Variants in RNF149 observed in about 807,000 individuals in gnomAD.
RNF149 encodes the protein E3 ubiquitin-protein ligase RNF149.
Under a neutral mutation model 39.0 loss-of-function variants are expected in RNF149, and 21 were observed. The ratio of observed to expected loss-of-function variants is 0.54; its 90% CI spans 0.38 to 0.77. RNF149 has a LOEUF of 0.77. Among genes scored for constraint, RNF149 ranks in the 30% least tolerant of loss-of-function variants. RNF149 has a pLI of 0.00. For synonymous variants in RNF149, 209 were observed against 213.6 expected (o/e 0.98, Z 0.19); for missense variants, 493 against 534.9 (o/e 0.92, Z 0.77).
At chr2:101,273,931 A>G (rs1035489553), downstream of RNF149, among the ~76,000 whole-genome samples, 1 of 152,144 alleles carries the variant, frequency 6.6e-6, no homozygotes, top group Non-Finnish European at 1.5e-5. Context: ...CAACCTCTCC[A>G]ATTTATAATT....
chr2:101,298,725 C>T (rs1294909027), intron 1 of RNF149, among the ~76,000 whole-genome samples: 1 of 152,180 alleles, frequency 6.6e-6, no homozygotes, highest in East Asian at 1.9e-4. Context: ...ACACATACTA[C>T]CCTCTGGAAG....
At chr2:101,304,702 A>AT (rs1170750783) in intron 1 of RNF149, among the ~76,000 whole-genome samples, 2 of 151,824 alleles carry the variant, frequency 1.3e-5, no homozygotes, top group African/African-American at 2.4e-5. Flanking sequence ...TTCCAGTCAC[A>AT]TTTTTTTTAG....
chr2:101,306,708 T>A (rs1231411246), intron 1 of RNF149, among the ~76,000 whole-genome samples: 1 of 152,190 alleles, frequency 6.6e-6, no homozygotes, highest in African/African-American at 2.4e-5. Flanking sequence ...CCTCTGCATC[T>A]CCCTCAGTCT....
chr2:101,277,659 G>A (rs577939817), intron 6 of RNF149, among the ~76,000 whole-genome samples: 16 of 152,286 alleles, frequency 1.1e-4, no homozygotes, highest in East Asian at 9.7e-4. Context: ...AAAATGCTGG[G>A]ATTACAGGCA....
chr2:101,299,029 T>G (rs1013483356), intron 1 of RNF149, among the ~76,000 whole-genome samples: 2 of 152,132 alleles, frequency 1.3e-5, no homozygotes, highest in Non-Finnish European at 2.9e-5. Flanking sequence ...TGGTAGCTCA[T>G]GCCTGTAATC....
Position 101,275,864 on chromosome 2 carries a change from A to G in RNF149, c.*1374T>C. On this transcript the variant is annotated 3_prime_UTR_variant, in exon 7 of 7. Coordinates refer to ENST00000295317, the MANE Select transcript of RNF149 (RefSeq NM_173647.4). Reference sequence around the variant, plus strand: ...AAGGTAATGGCTGTTATGGAAACCTACTTGAGGTTGTCTGCTAAAACCAAC... The same window carrying G: ...AAGGTAATGGCTGTTATGGAAACCTGCTTGAGGTTGTCTGCTAAAACCAAC... The G allele has an allele frequency of 1.0e-6, 1 of 984,880 alleles. No individual in the cohort carries two copies. The highest frequency in any genetic ancestry group is 1.1e-4 in the East Asian group (1 of 8,806). 61.0% of individuals were successfully genotyped at this position (984,880 alleles called of 1,614,324 possible).
chr2:101,291,658 T>C (rs1683018126), intron 3 of RNF149, among the ~76,000 whole-genome samples: 2 of 152,218 alleles, frequency 1.3e-5, no homozygotes, highest in African/African-American at 2.4e-5. Context: ...TAAAATTATA[T>C]GCTTCAATGA....
chr2:101,302,321 C>A (rs1464063654), intron 1 of RNF149, among the ~76,000 whole-genome samples: 1 of 152,052 alleles, frequency 6.6e-6, no homozygotes, highest in Non-Finnish European at 1.5e-5. Context: ...AAGGAGAATT[C>A]CCAATAAAGA....
intron 1 of RNF149, among the ~76,000 whole-genome samples, chr2:101,305,232 T>C (rs1229168182): frequency 6.6e-6 from 1 of 152,170 alleles, no homozygotes; most frequent in African/African-American, 2.4e-5. Flanking sequence ...CAGTGGTCTT[T>C]CCTGGCTCTA....
downstream of RNF149, among the ~76,000 whole-genome samples, chr2:101,274,322 C>G (rs1682250643): frequency 6.6e-6 from 1 of 152,206 alleles, no homozygotes; most frequent in South Asian, 2.1e-4. Flanking sequence ...GACCCGTATG[C>G]TTCAGGATGA....
rs58511902 is a variant in RNF149 at position 101,302,981 on chromosome 2, TAAAAA to T, written c.460+5143_460+5147del. Among the ~76,000 whole-genome samples the T allele has an allele frequency of 6.5e-3, 917 of 141,514 alleles. 4 individuals are homozygous for T. The highest frequency in any genetic ancestry group is 0.023 in the African/African-American group (876 of 38,466). The allele number at this position is 141,514 out of a possible 152,430, so 92.8% of individuals were successfully genotyped here. The stretch of plus-strand genomic sequence containing the variant: ...GGCAACAGACTGAGACACTTGTCTC[TAAAAA>T]AAAAAAAAAAACAAAAACAAAACCC... On this transcript the variant is annotated intron_variant, in intron 1 of 6. Transcript: ENST00000295317.
At chr2:101,277,679 G>A (rs918803203) in intron 6 of RNF149, among the ~76,000 whole-genome samples, 19 of 152,086 alleles carry the variant, frequency 1.2e-4, no homozygotes, top group Non-Finnish European at 2.6e-4. Context: ...ATGAGCCACC[G>A]CGCCCGGCTA....
In RNF149 at chr2:101,276,227, G is replaced by A; in HGVS notation, c.*1011C>T. 1.0e-6 allele frequency: 1 copy of A among 985,214 alleles called. No individual in the cohort carries two copies. Among genetic ancestry groups the A allele is most frequent in the Non-Finnish European group, 1.2e-6 (1 of 829,822 alleles). The allele number at this position is 985,214 out of a possible 1,614,324, so 61.0% of individuals were successfully genotyped here. On this transcript the variant is annotated 3_prime_UTR_variant, in exon 7 of 7. Transcript: ENST00000295317. Reference sequence around the variant, plus strand: ...TCTACCTCCAAGAAGTGAAAAAATAGCAGAGTGTGTGTTTAATCACTTTTT... The same window carrying A: ...TCTACCTCCAAGAAGTGAAAAAATAACAGAGTGTGTGTTTAATCACTTTTT...
At chr2:101,301,440 A>G (rs1298815625) in intron 1 of RNF149, among the ~76,000 whole-genome samples, 3 of 151,046 alleles carry the variant, frequency 2.0e-5, no homozygotes, top group African/African-American at 7.3e-5. Flanking sequence ...CGAACCTCCC[A>G]TCTCAGCCTC....
intron 3 of RNF149, among the ~76,000 whole-genome samples, chr2:101,293,146 A>G (rs1683085855): frequency 6.6e-6 from 1 of 152,194 alleles, no homozygotes; most frequent in African/African-American, 2.4e-5. Context: ...TTAAAAAAAA[A>G]AAAATCAAAA....
Position 101,294,050 on chromosome 2 carries a change from G to C in RNF149, c.744C>G (p.Gly248=), listed in dbSNP as rs776207284. The change falls in exon 3 of 7, where the codon GGC becomes GGG. Residue 248 remains glycine, a synonymous_variant. Transcript: ENST00000295317. ...GCTTTACAGTATGAAGTAGAAGCTG[G>C]CCAATAACTTTCTTAGTTTCTTTTC... ...SHRKETKKVI[G]QLLLHTVKHG... is the part of the protein sequence containing the mutation. The C allele has an allele frequency of 6.3e-7, 1 of 1,587,012 alleles. No individual in the cohort carries two copies. The highest frequency in any genetic ancestry group is 1.3e-5 in the African/African-American group (1 of 74,390).
At chr2:101,301,199 T>C (rs1208798935) in intron 1 of RNF149, among the ~76,000 whole-genome samples, 3 of 151,866 alleles carry the variant, frequency 2.0e-5, no homozygotes, top group Non-Finnish European at 1.5e-5. Flanking sequence ...CCTATACACC[T>C]TGGCATTAAG....
At chr2:101,293,849 T>G (rs1683110531) in intron 3 of RNF149, among the ~76,000 whole-genome samples, 165 bp downstream of exon 3, 1 of 152,252 alleles carries the variant, frequency 6.6e-6, no homozygotes, top group Non-Finnish European at 1.5e-5. Flanking sequence ...TAAATTCATT[T>G]AAATGCAAAT....
chr2:101,277,397 A>G, intron 6 of RNF149, 116 bp from the exon 7 acceptor site: 1 of 1,395,254 alleles, frequency 7.2e-7, no homozygotes, highest in Non-Finnish European at 9.4e-7. Context: ...CAGAAAAAAA[A>G]ATTTTTTTTG....
Sources: gnomAD v4.1 joint callset for allele counts (sites outside exome capture counted in the v4.1 genomes callset) on GRCh38, gnomAD v4.1.1 for gene constraint, MANE v1.5 for transcripts, NCBI Gene and HGNC (gene_info 2026-07-23, HGNC 2026-07-21) for gene names.